The following PTPRG variants were observed in gnomAD, a reference collection of about 807,000 sequenced individuals.
The protein encoded by PTPRG is protein tyrosine phosphatase receptor type G, also known as receptor-type tyrosine-protein phosphatase gamma.
A neutral mutation model predicts 165.3 loss-of-function variants in PTPRG; 102 were observed. The ratio of observed to expected loss-of-function variants is 0.62; its 90% CI spans 0.53 to 0.73. PTPRG has a LOEUF of 0.73. PTPRG is among the 30% of genes least tolerant of loss of function. The pLI is 0.00. For missense variants in PTPRG, 1,866 were observed against 1,861.4 expected (o/e 1.00, Z -0.05); for synonymous variants, 675 against 669.5 (o/e 1.01, Z -0.13).
At chr3:61,582,638 T>C (rs1700328148) in intron 1 of PTPRG, among the ~76,000 whole-genome samples, 1 of 152,198 alleles carries the variant, frequency 6.6e-6, no homozygotes, top group African/African-American at 2.4e-5. Flanking sequence ...CCAGGCTCAC[T>C]CTTGGGTCCA....
intron 1 of PTPRG, among the ~76,000 whole-genome samples, chr3:61,586,763 A>G (rs576227016): frequency 5.9e-5 from 9 of 152,322 alleles, no homozygotes; most frequent in East Asian, 3.9e-4. Flanking sequence ...CCCAGAAACA[A>G]TCTACTTGGC....
At chr3:62,019,522 C>CAAAAAA (rs57682254) in intron 4 of PTPRG, among the ~76,000 whole-genome samples, 1 of 93,896 alleles carries the variant, frequency 1.1e-5, no homozygotes, top group Non-Finnish European at 2.2e-5. Context: ...GACCCCATCT[C>CAAAAAA]AAAAAAAAAA....
At chr3:61,792,191 T>C (rs914358230) in intron 2 of PTPRG, among the ~76,000 whole-genome samples, 1 of 151,798 alleles carries the variant, frequency 6.6e-6, no homozygotes, top group African/African-American at 2.4e-5. Context: ...TTTACTTCTT[T>C]CTTGAGGCGG....
At chr3:62,022,396 A>G (rs2041717667) in intron 4 of PTPRG, among the ~76,000 whole-genome samples, 1 of 152,218 alleles carries the variant, frequency 6.6e-6, no homozygotes, top group Admixed American at 6.5e-5. Context: ...ACCAGTATCT[A>G]TGGGCATTTT....
At chr3:62,097,100 TCAC>T (rs1224007129) in intron 5 of PTPRG, among the ~76,000 whole-genome samples, 2 of 89,698 alleles carry the variant, frequency 2.2e-5, no homozygotes, top group Admixed American at 1.1e-4. Context: ...ATTACTATTA[TCAC>T]GCGCTTAAGC....
intron 2 of PTPRG, among the ~76,000 whole-genome samples, chr3:61,953,118 A>G (rs2039937811): frequency 6.6e-6 from 1 of 151,892 alleles, no homozygotes; most frequent in Non-Finnish European, 1.5e-5. Flanking sequence ...CCCTACACCT[A>G]CTGCTGTCTC....
intron 1 of PTPRG, among the ~76,000 whole-genome samples, chr3:61,678,047 G>A (rs1393364943): frequency 1.3e-5 from 2 of 152,166 alleles, no homozygotes; most frequent in African/African-American, 4.8e-5. Context: ...CTGATGTTGG[G>A]CAGATGAGGA....
At chr3:61,694,008 CAAA>C (rs1163062978) in intron 1 of PTPRG, among the ~76,000 whole-genome samples, 5 of 65,466 alleles carry the variant, frequency 7.6e-5, no homozygotes, top group African/African-American at 1.7e-4. Flanking sequence ...ACTCCATCTC[CAAA>C]AAAAAAAAAA....
intron 8 of PTPRG, among the ~76,000 whole-genome samples, chr3:62,182,464 A>G (rs545845707): frequency 6.6e-6 from 1 of 152,190 alleles, no homozygotes; most frequent in Non-Finnish European, 1.5e-5. Flanking sequence ...ACTTCTGTGA[A>G]TTCTATGCAG....
At chr3:61,777,139 TA>T (rs1380917440) in intron 2 of PTPRG, among the ~76,000 whole-genome samples, 3 of 152,208 alleles carry the variant, frequency 2.0e-5, no homozygotes, top group Non-Finnish European at 4.4e-5. Context: ...AGTCAATACC[TA>T]ATAAAATTTT....
intron 14 of PTPRG, among the ~76,000 whole-genome samples, chr3:62,239,971 A>G (rs546550191): frequency 6.6e-6 from 1 of 152,246 alleles, no homozygotes; most frequent in South Asian, 2.1e-4. Context: ...TCATATTGTT[A>G]AGGATCATGA....
In PTPRG at chr3:61,753,982, C is replaced by CT. The variant is rs924119037; in HGVS notation, c.190+5008dup. ...GGTGGTAGTTTCTTCCCTTCCTCTG[C>CT]TTTTTTTTGTTTTAACTTAATTCTG... On this transcript the variant is annotated intron_variant, in intron 2 of 29. Coordinates refer to ENST00000474889, the MANE Select transcript of PTPRG (RefSeq NM_002841.4). Among the ~76,000 whole-genome samples the CT allele has an allele frequency of 4.1e-4, 62 of 152,058 alleles. 1 individual carries two copies. The highest frequency in any genetic ancestry group is 1.3e-3 in the African/African-American group (54 of 41,480).
intron 2 of PTPRG, among the ~76,000 whole-genome samples, chr3:61,802,830 TA>T (rs1486075023): frequency 6.6e-6 from 1 of 152,158 alleles, no homozygotes; most frequent in African/African-American, 2.4e-5. Flanking sequence ...GGACCTGGAA[TA>T]CCCATGCCCA....
chr3:62,273,016 A>G lies in PTPRG; in HGVS notation c.3253A>G (p.Thr1085Ala). The part of the protein sequence containing the change: ...SMLQQIKDKS[T>A]VNVLGFLKHI... The stretch of plus-strand genomic sequence containing the variant: ...GCTGCAACAGATAAAAGACAAAAGC[A>G]CAGTTAACGTCCTGGGATTCCTGAA... Residue 1085 changes from threonine (T) to alanine (A), a missense_variant, in exon 22 of 30, where the codon ACA (threonine) becomes GCA (alanine). By Grantham distance (58) the Thr-to-Ala change is moderately conservative. Around this residue, in one of 3 missense-constraint regions of PTPRG, gnomAD observed 1,452 missense variants for 1,463.0 expected, o/e 0.99. Transcript: ENST00000474889. The surrounding 1 kb of genome is among the most constrained non-coding windows in gnomAD (Gnocchi z 4.1). 1 of 1,613,888 alleles carries G rather than the reference A, an allele frequency of 6.2e-7. No individual in the cohort carries two copies. Among genetic ancestry groups the G allele is most frequent in the Non-Finnish European group, 8.5e-7 (1 of 1,179,852 alleles).
intron 13 of PTPRG, among the ~76,000 whole-genome samples, chr3:62,225,889 G>A (rs1183208593): frequency 1.3e-5 from 2 of 151,988 alleles, no homozygotes; most frequent in African/African-American, 4.8e-5. Flanking sequence ...CCTGACCTCA[G>A]GTGATCCACC....
intron 13 of PTPRG, among the ~76,000 whole-genome samples, chr3:62,225,464 G>C (rs562345788): frequency 6.6e-6 from 1 of 152,076 alleles, no homozygotes. Context: ...TAGCTATTAA[G>C]AGCCAGACAT....
intron 8 of PTPRG, among the ~76,000 whole-genome samples, chr3:62,184,082 T>C (rs932913048): frequency 3.9e-5 from 6 of 152,206 alleles, no homozygotes; most frequent in Non-Finnish European, 5.9e-5. Context: ...CCCAGTAACT[T>C]GGTCTCTCTG....
chr3:61,990,195 A>C (rs190649620), intron 3 of PTPRG, among the ~76,000 whole-genome samples: 1 of 151,950 alleles, frequency 6.6e-6, no homozygotes, highest in Non-Finnish European at 1.5e-5. Flanking sequence ...TTGGTCCCTC[A>C]GTTGTATTAG....
In PTPRG at chr3:62,157,189, G is replaced by C; in HGVS notation, c.805G>C (p.Val269Leu). ...GTGTAGCGAAATAGTGGAGTGGATA[G>C]TCTTCCGGAGACCCGTCCCCATCTC... ...PPCSEIVEWI[V>L]FRRPVPISYH... The change falls in exon 7 of 30, where the codon GTC becomes CTC. Residue 269 changes from valine (V) to leucine (L), a missense_variant. Coordinates refer to ENST00000474889, the MANE Select transcript of PTPRG (RefSeq NM_002841.4). 6.2e-7 allele frequency: 1 copy of C among 1,613,962 alleles called. No homozygotes were observed. The highest frequency in any genetic ancestry group is 8.5e-7 in the Non-Finnish European group (1 of 1,179,866).
Sources: allele counts gnomAD v4.1 joint callset (sites outside exome capture counted in the v4.1 genomes callset), GRCh38; gene constraint gnomAD v4.1.1; regional missense constraint gnomAD v4.1.1; non-coding constraint Gnocchi (gnomAD v3.1); transcripts MANE v1.5; gene names NCBI Gene and HGNC (gene_info 2026-07-23, HGNC 2026-07-21).